Variants in ZSWIM6 observed in about 807,000 individuals in gnomAD.
ZSWIM6 encodes the protein zinc finger SWIM-type containing 6, also known as zinc finger SWIM domain-containing protein 6.
A neutral mutation model predicts 113.2 loss-of-function variants in ZSWIM6; 9 were observed. The observed-to-expected ratio is 0.08, with a 90% CI of 0.05 to 0.14. The LOEUF is 0.14. ZSWIM6 is among the 10% of genes least tolerant of loss of function. ZSWIM6 has a pLI of 1.00. For synonymous variants in ZSWIM6, 611 were observed against 606.5 expected (o/e 1.01, Z -0.11); for missense variants, 1,162 against 1,552.2 (o/e 0.75, Z 4.22).
chr5:61,387,001 C>T (rs1490237483), intron 1 of ZSWIM6, among the ~76,000 whole-genome samples: 6 of 152,122 alleles, frequency 3.9e-5, no homozygotes, highest in African/African-American at 1.2e-4. Context: ...GAGCCTTTGC[C>T]TTTTGTTGTA....
chr5:61,412,092 TAC>T (rs1352670453), intron 1 of ZSWIM6, among the ~76,000 whole-genome samples: 1 of 152,244 alleles, frequency 6.6e-6, no homozygotes, highest in Non-Finnish European at 1.5e-5. Context: ...CTGGTAAATC[TAC>T]AGTTTCTATT....
chr5:61,434,310 T>A (rs1338978515), intron 1 of ZSWIM6, among the ~76,000 whole-genome samples: 2 of 151,534 alleles, frequency 1.3e-5, no homozygotes, highest in East Asian at 3.9e-4. Flanking sequence ...TTTTTTTATT[T>A]CAATAGTTTT....
intron 9 of ZSWIM6, 107 bp from the exon 10 acceptor site, chr5:61,535,377 C>A (rs1030614072): frequency 7.7e-7 from 1 of 1,302,158 alleles, no homozygotes; most frequent in African/African-American, 1.5e-5. Context: ...ACTTGAAATT[C>A]TTATTTGTAT....
intron 1 of ZSWIM6, among the ~76,000 whole-genome samples, chr5:61,444,629 A>G (rs1250122942): frequency 6.6e-6 from 1 of 152,212 alleles, no homozygotes; most frequent in Non-Finnish European, 1.5e-5. Context: ...CAGTGCTCCA[A>G]GAAAATCCTG....
chr5:61,377,995 A>C (rs1745406239), intron 1 of ZSWIM6, among the ~76,000 whole-genome samples: 1 of 152,218 alleles, frequency 6.6e-6, no homozygotes, highest in African/African-American at 2.4e-5. Flanking sequence ...CATTGATGAA[A>C]ATAAAAATTT....
chr5:61,375,016 G>A, intron 1 of ZSWIM6: 1 of 1,109,266 alleles, frequency 9.0e-7, no homozygotes, highest in South Asian at 1.3e-5. Context: ...AAAAAGAAGA[G>A]TAATGAGAGG....
intron 1 of ZSWIM6, among the ~76,000 whole-genome samples, chr5:61,469,953 T>C (rs564570477): frequency 6.6e-6 from 1 of 152,284 alleles, no homozygotes. Context: ...GTGATCCGCC[T>C]GCCTCGGCCT....
Position 61,472,723 on chromosome 5 carries a change from C to A in ZSWIM6, c.719C>A (p.Ser240Ter). 1 of 1,548,046 alleles carries A rather than the reference C, an allele frequency of 6.5e-7. No homozygotes were observed. Among genetic ancestry groups the A allele is most frequent in the Non-Finnish European group, 8.7e-7 (1 of 1,144,818 alleles). ...ACAGTGACAGAACCTGCAATACAAT[C>A]GGAGCCAGAAACTGTTTGCAACGTG... is the stretch of plus-strand genomic sequence containing the variant. Reference protein sequence around the residue: ...SGTVTEPAIQSEPETVCNVAI... With the variant: ...SGTVTEPAIQ Residue 240 changes from serine to a stop codon, truncating the protein, a stop_gained, in exon 2 of 14, where the codon TCG becomes TAG. Coordinates refer to ENST00000252744, the MANE Select transcript of ZSWIM6 (RefSeq NM_020928.2). LOFTEE classifies it high-confidence loss of function. This position sits in a 1 kb window ranked among gnomAD's most constrained non-coding sequence, Gnocchi z 4.1.
intron 1 of ZSWIM6, among the ~76,000 whole-genome samples, chr5:61,399,251 T>A (rs1202559506): frequency 1.3e-5 from 2 of 150,344 alleles, no homozygotes; most frequent in Admixed American, 6.6e-5. Context: ...TTTTTTTTTT[T>A]AAAGATAATC....
At chr5:61,476,219 A>AT (rs1480706162) in intron 2 of ZSWIM6, among the ~76,000 whole-genome samples, 1 of 151,980 alleles carries the variant, frequency 6.6e-6, no homozygotes, top group Non-Finnish European at 1.5e-5. Flanking sequence ...GCAATATTTT[A>AT]TTTTTTAAAG....
chr5:61,531,323 A>C, intron 8 of ZSWIM6, 142 bp from the exon 9 acceptor site: 1 of 979,150 alleles, frequency 1.0e-6, no homozygotes, highest in East Asian at 2.7e-5. Flanking sequence ...ACTGCACTTT[A>C]GCCTAAAAAA....
intron 1 of ZSWIM6, among the ~76,000 whole-genome samples, chr5:61,453,729 A>AC (rs1747138231): frequency 6.7e-6 from 1 of 150,134 alleles, no homozygotes; most frequent in Non-Finnish European, 1.5e-5. Context: ...TTTTTTTTAA[A>AC]TTATTATTAG....
chr5:61,439,062 C>A (rs1746771029), intron 1 of ZSWIM6, among the ~76,000 whole-genome samples: 1 of 152,154 alleles, frequency 6.6e-6, no homozygotes, highest in African/African-American at 2.4e-5. Context: ...AAGAAAATTC[C>A]TATTAAACCT....
At chr5:61,398,912 GTTTTTTTTTTTT>G (rs57439648) in intron 1 of ZSWIM6, among the ~76,000 whole-genome samples, 3 of 61,736 alleles carry the variant, frequency 4.9e-5, no homozygotes, top group Non-Finnish European at 9.0e-5. Flanking sequence ...GTGTATAGTT[GTTTTTTTTTTTT>G]TTTTTTTTTT....
intron 1 of ZSWIM6, among the ~76,000 whole-genome samples, chr5:61,400,599 G>A (rs1745925114): frequency 6.6e-6 from 1 of 152,170 alleles, no homozygotes; most frequent in Non-Finnish European, 1.5e-5. Context: ...AAGGCCTCAC[G>A]TTATAGATGG....
chr5:61,341,455 C>G (rs921669397), intron 1 of ZSWIM6, among the ~76,000 whole-genome samples: 2 of 152,108 alleles, frequency 1.3e-5, no homozygotes, highest in African/African-American at 4.8e-5. Context: ...GTTTTTGTGA[C>G]CAGAAATATG....
intron 1 of ZSWIM6, among the ~76,000 whole-genome samples, chr5:61,410,947 A>G (rs1483764933): frequency 6.6e-6 from 1 of 152,192 alleles, no homozygotes; most frequent in Non-Finnish European, 1.5e-5. Flanking sequence ...ACAGGACTCA[A>G]GGCAAAAAAC....
intron 1 of ZSWIM6, among the ~76,000 whole-genome samples, chr5:61,386,640 G>T (rs1030801595): frequency 2.6e-5 from 4 of 152,118 alleles, no homozygotes; most frequent in Non-Finnish European, 5.9e-5. Flanking sequence ...AAAGGACTTT[G>T]GTAGAATTAG....
intron 1 of ZSWIM6, among the ~76,000 whole-genome samples, chr5:61,409,509 T>G (rs1199458416): frequency 6.6e-6 from 1 of 152,232 alleles, no homozygotes; most frequent in Non-Finnish European, 1.5e-5. Flanking sequence ...TTTCAGCCTT[T>G]AAAGAAAAAT....
Sources: gnomAD v4.1 joint callset for allele counts (sites outside exome capture counted in the v4.1 genomes callset) on GRCh38, gnomAD v4.1.1 for gene constraint, Gnocchi (gnomAD v3.1) non-coding constraint, MANE v1.5 for transcripts, NCBI Gene and HGNC (gene_info 2026-07-23, HGNC 2026-07-21) for gene names.